ZNF765: variants seen among roughly 807,000 people sequenced by gnomAD.
ZNF765 encodes the protein zinc finger protein 765.
In ZNF765, 37 loss-of-function variants were observed where a neutral mutation model predicts 44.7. That is an observed-to-expected ratio of 0.83 (90% CI 0.64 to 1.09). The LOEUF is 1.09. Ranked by LOEUF, ZNF765 falls within the 50% of genes least tolerant of loss-of-function variation. The pLI, the probability that ZNF765 is intolerant of heterozygous loss-of-function variation, is 0.00. For synonymous variants in ZNF765, 201 were observed against 213.7 expected (o/e 0.94, Z 0.52); for missense variants, 594 against 626.1 (o/e 0.95, Z 0.55).
intron 3 of ZNF765, among the ~76,000 whole-genome samples, chr19:53,421,721 T>C (rs1251686332): frequency 2.6e-5 from 4 of 152,144 alleles, no homozygotes; most frequent in African/African-American, 4.8e-5. Flanking sequence ...TCCATGTTGG[T>C]CAGGCTGGTC....
intron 3 of ZNF765, among the ~76,000 whole-genome samples, chr19:53,418,642 A>T (rs1306001191): frequency 6.6e-6 from 1 of 152,068 alleles, no homozygotes; most frequent in Non-Finnish European, 1.5e-5. Flanking sequence ...CATGCCCGTA[A>T]TCCTAACACT....
intron 1 of ZNF765, among the ~76,000 whole-genome samples, 158 bp downstream of exon 1, chr19:53,395,351 C>G (rs1265175533): frequency 6.6e-6 from 1 of 152,138 alleles, no homozygotes; most frequent in East Asian, 1.9e-4. Context: ...GGGTCGCTTC[C>G]TTTTGGGTTT....
At chr19:53,413,430 T>C, downstream of ZNF765, 1 of 480,668 alleles carries the variant, frequency 2.1e-6, no homozygotes, top group South Asian at 1.8e-5. Flanking sequence ...ATGTCACCAC[T>C]ATCTGGAGAG....
Position 53,400,734 on chromosome 19 carries a change from G to A in ZNF765, c.16-1331G>A, listed in dbSNP as rs538204489. ...TTTGTATTAACATCTAGTTTTTTGTGAGTCTGTGTAGGTTTCATTATTTGT... is the reference window on the plus strand; with the variant it reads ...TTTGTATTAACATCTAGTTTTTTGTAAGTCTGTGTAGGTTTCATTATTTGT... On this transcript the variant is annotated intron_variant, in intron 2 of 3. Coordinates refer to ENST00000396408, the MANE Select transcript of ZNF765 (RefSeq NM_001040185.3). Among the ~76,000 whole-genome samples, 6 of 135,522 alleles carry A rather than the reference G, an allele frequency of 4.4e-5. No individual in the cohort carries two copies. The East Asian group carries it at 1.3e-3, about 29-fold the overall frequency. 88.9% of individuals were successfully genotyped at this position (135,522 alleles called of 152,430 possible).
intron 2 of ZNF765, among the ~76,000 whole-genome samples, chr19:53,400,763 C>CATACATATATATATATATAT (rs374774697): frequency 2.6e-5 from 3 of 116,796 alleles, no homozygotes; most frequent in Admixed American, 8.5e-5. Context: ...TATTTGTTGA[C>CATACATATATATATATATAT]ATATATATAT....
chr19:53,402,296 G>A lies in ZNF765; in HGVS notation c.142+105G>A, dbSNP rs1307816926. ...TTTTGAGATGGAGTCTCGCTCTGTC[G>A]CCCAGGCTGGAGTGCTGTGGCATGA... is the stretch of plus-strand genomic sequence containing the variant. On this transcript the variant is annotated intron_variant, in intron 3 of 3. Transcript: ENST00000396408. 210 of 1,489,384 alleles carry A rather than the reference G, an allele frequency of 1.4e-4. No individual in the cohort carries two copies. In the South Asian group the frequency reaches 2.3e-3, roughly 16 times the overall value. 92.3% of individuals were successfully genotyped at this position (1,489,384 alleles called of 1,614,324 possible).
At chr19:53,413,667 A>G (rs1600063311), downstream of ZNF765, among the ~76,000 whole-genome samples, 1 of 137,022 alleles carries the variant, frequency 7.3e-6, no homozygotes, top group Non-Finnish European at 1.5e-5. Context: ...GCACTTTGGG[A>G]GGCTGAGGTG....
exon 4 of ZNF765, chr19:53,425,594 G>A (rs1433190363): frequency 6.6e-6 from 1 of 152,286 alleles, no homozygotes; most frequent in African/African-American, 2.4e-5. Context: ...TTACAGACGT[G>A]AGCCACCGTA....
At chr19:53,405,627 A>T (rs1360318640) in intron 3 of ZNF765, among the ~76,000 whole-genome samples, 3 of 149,986 alleles carry the variant, frequency 2.0e-5, no homozygotes, top group Admixed American at 1.3e-4. Flanking sequence ...ATCTCTTTTT[A>T]TGAAAGCACA....
At chr19:53,400,765 T>TACATAC (rs200622479) in intron 2 of ZNF765, among the ~76,000 whole-genome samples, 7 of 127,956 alleles carry the variant, frequency 5.5e-5, no homozygotes, top group Non-Finnish European at 1.1e-4. Flanking sequence ...TTTGTTGACA[T>TACATAC]ATATATATAT....
At chr19:53,414,119 T>G (rs183008008), downstream of ZNF765, among the ~76,000 whole-genome samples, 444 of 151,472 alleles carry the variant, frequency 2.9e-3, 1 homozygote, top group African/African-American at 0.01. Context: ...CACATGCCTG[T>G]CATCCCAGCT....
intron 3 of ZNF765, among the ~76,000 whole-genome samples, chr19:53,421,761 A>G (rs1218420387): frequency 1.3e-5 from 2 of 152,104 alleles, no homozygotes; most frequent in Middle Eastern, 3.2e-3. Flanking sequence ...TGATCCGCCC[A>G]CCTTTGCCTC....
intron 2 of ZNF765, among the ~76,000 whole-genome samples, chr19:53,399,489 A>C (rs2085701847): frequency 6.6e-6 from 1 of 151,992 alleles, no homozygotes; most frequent in African/African-American, 2.4e-5. Context: ...CTTTAGAAAA[A>C]ATTATTCAAT....
chr19:53,414,176 A>T (rs376782995), downstream of ZNF765, among the ~76,000 whole-genome samples: 14 of 141,008 alleles, frequency 9.9e-5, no homozygotes, highest in East Asian at 2.0e-3. Flanking sequence ...AGGAGGCGGA[A>T]GTTGCAGTGA....
chr19:53,417,440 C>T (rs1051208994), intron 3 of ZNF765, among the ~76,000 whole-genome samples: 1 of 152,140 alleles, frequency 6.6e-6, no homozygotes, highest in African/African-American at 2.4e-5. Context: ...CCATCCATGT[C>T]CCTGCAAAGG....
In ZNF765 at chr19:53,409,644, A is replaced by T. The variant is rs2085814740; in HGVS notation, c.*517A>T. The T allele has an allele frequency of 2.2e-6, 3 of 1,354,192 alleles. No individual in the cohort carries two copies. The highest frequency in any genetic ancestry group is 2.1e-6 in the Non-Finnish European group (2 of 947,220). The allele number at this position is 1,354,192 out of a possible 1,614,324, so 83.9% of individuals were successfully genotyped here. ...GTGTAATGAGTGTGGCAAGACCTTTAGTCAGAACTCATACCTTACACGCCA... is the reference window on the plus strand; with the variant it reads ...GTGTAATGAGTGTGGCAAGACCTTTTGTCAGAACTCATACCTTACACGCCA... On this transcript the variant is annotated 3_prime_UTR_variant, in exon 4 of 4. Transcript: ENST00000396408.
chr19:53,415,027 T>C (rs895197277), downstream of ZNF765, among the ~76,000 whole-genome samples: 3 of 152,078 alleles, frequency 2.0e-5, no homozygotes, highest in East Asian at 5.8e-4. Context: ...ATCCCAGCAC[T>C]TTGGGAGGTT....
rs2085826488 is a variant in ZNF765 at position 53,410,778 on chromosome 19, G to T, written c.*1651G>T. ...CTTACAAATGTCATGATTGTGACAA[G>T]GTCTCAGTCAAGCTTCATTCTATGC... On this transcript the variant is annotated 3_prime_UTR_variant, in exon 4 of 4. Transcript: ENST00000396408. 4 of 446,446 alleles carry T rather than the reference G, an allele frequency of 9.0e-6. No homozygotes were observed. The highest frequency in any genetic ancestry group is 6.8e-5 in the South Asian group (4 of 59,018). The allele number at this position is 446,446 out of a possible 1,614,324, so 27.7% of individuals were successfully genotyped here. A position where few individuals can be genotyped will look rare whatever the true frequency, so the allele number is the denominator to read the frequency against.
intron 3 of ZNF765, among the ~76,000 whole-genome samples, chr19:53,405,904 TA>T: frequency 1.4e-4 from 1 of 7,118 alleles, no homozygotes; most frequent in South Asian, 7.5e-3. Flanking sequence ...TAATACCAAC[TA>T]TATATATATA....
Sources: allele counts gnomAD v4.1 joint callset (sites outside exome capture counted in the v4.1 genomes callset), GRCh38; gene constraint gnomAD v4.1.1; transcripts MANE v1.5; gene names NCBI Gene and HGNC (gene_info 2026-07-23, HGNC 2026-07-21).